Variants in RYR3 observed in about 807,000 individuals in gnomAD.
RYR3 encodes the protein brain ryanodine receptor-calcium release channel.
A neutral mutation model predicts 584.3 loss-of-function variants in RYR3; 207 were observed. The observed-to-expected ratio is 0.35, with a 90% CI of 0.32 to 0.40. The LOEUF is 0.40. Among genes scored for constraint, RYR3 ranks in the 10% least tolerant of loss-of-function variants. RYR3 has a pLI of 1.00. For synonymous variants in RYR3, 2,416 were observed against 2,248.5 expected (o/e 1.07, Z -2.11); for missense variants, 5,616 against 6,089.2 (o/e 0.92, Z 2.59).
chr15:33,445,543 A>G (rs916899249), intron 1 of RYR3, among the ~76,000 whole-genome samples: 12 of 141,682 alleles, frequency 8.5e-5, no homozygotes, highest in Non-Finnish European at 1.3e-4. Context: ...TAGATTTAGT[A>G]AATATCATTA....
chr15:33,514,193 T>A (rs1166546124), intron 3 of RYR3, among the ~76,000 whole-genome samples: 1 of 152,192 alleles, frequency 6.6e-6, no homozygotes, highest in Non-Finnish European at 1.5e-5. Flanking sequence ...TTTTTAGGCA[T>A]CAGTTGCCCC....
At chr15:33,320,924 G>A (rs989212063) in intron 1 of RYR3, among the ~76,000 whole-genome samples, 1 of 152,206 alleles carries the variant, frequency 6.6e-6, no homozygotes. Flanking sequence ...TTATTCCATA[G>A]TCTTGATTCC....
intron 29 of RYR3, 138 bp from the exon 30 acceptor site, chr15:33,647,286 G>A (rs1369204774): frequency 4.6e-6 from 3 of 658,104 alleles, no homozygotes; most frequent in Non-Finnish European, 8.2e-6. Flanking sequence ...CCCAAGACTG[G>A]TTGCAATCAC....
At chr15:33,843,992 A>C (rs2078551118) in intron 92 of RYR3, among the ~76,000 whole-genome samples, 1 of 152,236 alleles carries the variant, frequency 6.6e-6, no homozygotes, top group Non-Finnish European at 1.5e-5. Context: ...ATTTGGAAAG[A>C]GAGGGGACTG....
At chr15:33,775,978 T>C (rs2073970731) in intron 64 of RYR3, among the ~76,000 whole-genome samples, 1 of 152,252 alleles carries the variant, frequency 6.6e-6, no homozygotes, top group Non-Finnish European at 1.5e-5. Flanking sequence ...AGAGTTACCG[T>C]ACATTTTCCA....
intron 38 of RYR3, among the ~76,000 whole-genome samples, chr15:33,676,352 A>G (rs752736616): frequency 4.5e-4 from 68 of 152,158 alleles, no homozygotes; most frequent in Non-Finnish European, 8.4e-4. Flanking sequence ...TCTCATCTAT[A>G]GAATCATAGG....
intron 38 of RYR3, among the ~76,000 whole-genome samples, chr15:33,691,517 T>A (rs980666542): frequency 3.3e-5 from 5 of 152,214 alleles, no homozygotes; most frequent in Admixed American, 2.0e-4. Flanking sequence ...TTTTTTCATT[T>A]TTTTCATTTC....
intron 57 of RYR3, among the ~76,000 whole-genome samples, chr15:33,751,495 G>C (rs2071302166): frequency 6.6e-6 from 1 of 151,932 alleles, no homozygotes; most frequent in Admixed American, 6.6e-5. Context: ...GTGATGATGA[G>C]CTTTTTTTCG....
rs778995715 is a variant in RYR3, at chr15:33,628,502, G to A, written c.2606G>A (p.Arg869Gln). The change falls in exon 21 of 104, where the codon CGA (arginine) becomes CAA (glutamine). Residue 869 changes from arginine (R) to glutamine (Q), a missense_variant. Physicochemically the swap from Arg to Gln is conservative, Grantham distance 43. This residue lies in a region of RYR3 where 1,284 missense variants were observed against 1,344.6 expected (regional missense o/e 0.95). Transcript: ENST00000634891. Reference protein sequence around the residue: ...VILPPHLEKIRDRLAENIHEL... With the variant: ...VILPPHLEKIQDRLAENIHEL... ...TTGCCACCTCACCTAGAAAAGATCC[G>A]AGACAGACTAGCTGAAAACATCCAT... The A allele has an allele frequency of 1.7e-5, 28 of 1,613,460 alleles. No individual in the cohort carries two copies. Among genetic ancestry groups the A allele is most frequent in the Admixed American group, 1.0e-4 (6 of 59,992 alleles).
rs1176734468 is a variant in RYR3, at chr15:33,854,925, C to T, written c.14007+13C>T. ...CAATGGCAAACAGGTATGGTTTCTACTGATGCAGAACAGAATGGACCTGTA... is the reference window on the plus strand; with the variant it reads ...CAATGGCAAACAGGTATGGTTTCTATTGATGCAGAACAGAATGGACCTGTA... On this transcript the variant is annotated intron_variant, in intron 98 of 103. Transcript: ENST00000634891. The T allele has an allele frequency of 6.2e-7, 1 of 1,605,082 alleles. No individual in the cohort carries two copies. The highest frequency in any genetic ancestry group is 1.1e-5 in the South Asian group (1 of 88,684).
At chr15:33,418,424 G>T (rs1398886766) in intron 1 of RYR3, among the ~76,000 whole-genome samples, 4 of 151,838 alleles carry the variant, frequency 2.6e-5, no homozygotes, top group Non-Finnish European at 4.4e-5. Flanking sequence ...AAATAGACCA[G>T]GTAGAGAAAA....
At chr15:33,552,917 C>T (rs1169547844) in intron 10 of RYR3, among the ~76,000 whole-genome samples, 1 of 152,126 alleles carries the variant, frequency 6.6e-6, no homozygotes, top group African/African-American at 2.4e-5. Flanking sequence ...CCTCCCTGGG[C>T]GCTAGTGACA....
intron 25 of RYR3, 53 bp from the exon 26 acceptor site, chr15:33,635,561 T>A (rs2061458318): frequency 2.9e-6 from 4 of 1,381,354 alleles, no homozygotes; most frequent in Non-Finnish European, 4.1e-6. Flanking sequence ...ATTGAAGGTC[T>A]ACGTTCTCTC....
At chr15:33,767,071 T>C (rs1483562816) in intron 60 of RYR3, among the ~76,000 whole-genome samples, 2 of 152,270 alleles carry the variant, frequency 1.3e-5, no homozygotes, top group Non-Finnish European at 2.9e-5. Flanking sequence ...TAGAAAAACA[T>C]TGTTTTGTGT....
At chr15:33,607,809 G>GAA (rs200389319) in intron 18 of RYR3, among the ~76,000 whole-genome samples, 5 of 152,048 alleles carry the variant, frequency 3.3e-5, no homozygotes, top group Non-Finnish European at 7.4e-5. Flanking sequence ...TCCTGGAGTT[G>GAA]AAAAAAACAC....
At chr15:33,693,347 G>A (rs771091205) in intron 38 of RYR3, among the ~76,000 whole-genome samples, 3 of 152,220 alleles carry the variant, frequency 2.0e-5, no homozygotes, top group Non-Finnish European at 4.4e-5. Flanking sequence ...GGCCCTTTGC[G>A]CTGCTCAGTG....
intron 2 of RYR3, among the ~76,000 whole-genome samples, chr15:33,500,102 C>T (rs565609624): frequency 8.5e-5 from 13 of 152,334 alleles, no homozygotes; most frequent in African/African-American, 1.4e-4. Flanking sequence ...ATTCTATGTA[C>T]TTGGGATACC....
chr15:33,465,918 G>A (rs191439072), intron 1 of RYR3: 44 of 418,434 alleles, frequency 1.1e-4, no homozygotes, highest in Admixed American at 3.7e-4. Flanking sequence ...TCTTCCCTCC[G>A]TTCACTCAAG....
At position 33,823,092 on chromosome 15, in the gene RYR3, C is replaced by G; in HGVS notation, c.11072+20C>G. On this transcript the variant is annotated intron_variant, in intron 81 of 103. Transcript: ENST00000634891. ...TTGCAGGTAAATGCGGGAAAACTAC[C>G]ATAGCATTTAAAAAACTCTTCCCTC... The G allele has an allele frequency of 6.3e-7, 1 of 1,599,930 alleles. No individual in the cohort carries two copies. Among genetic ancestry groups the G allele is most frequent in the Non-Finnish European group, 8.5e-7 (1 of 1,170,640 alleles).
Sources: allele counts gnomAD v4.1 joint callset (sites outside exome capture counted in the v4.1 genomes callset), GRCh38; gene constraint gnomAD v4.1.1; regional missense constraint gnomAD v4.1.1; transcripts MANE v1.5; gene names NCBI Gene and HGNC (gene_info 2026-07-23, HGNC 2026-07-21).